The following PTPRD variants were observed in gnomAD, a reference collection of about 807,000 sequenced individuals.
PTPRD encodes protein tyrosine phosphatase receptor type D.
In PTPRD, 34 loss-of-function variants were observed where a neutral mutation model predicts 214.5. The observed-to-expected ratio is 0.16, with a 90% CI of 0.12 to 0.21. The LOEUF is 0.21. Ranked by LOEUF, PTPRD falls within the 10% of genes least tolerant of loss-of-function variation. The pLI, the probability that PTPRD is intolerant of heterozygous loss-of-function variation, is 1.00. For missense variants in PTPRD, 2,545 were observed against 2,398.7 expected (o/e 1.06, Z -1.27); for synonymous variants, 1,128 against 845.7 (o/e 1.33, Z -5.79).
At chr9:8,866,771 TCATC>T (rs1206238444) in intron 11 of PTPRD, among the ~76,000 whole-genome samples, 2 of 78,130 alleles carry the variant, frequency 2.6e-5, no homozygotes, top group Non-Finnish European at 5.0e-5. Context: ...AAGAATCATC[TCATC>T]AAGTCAGTTT....
chr9:8,921,013 C>G (rs1325333278), intron 11 of PTPRD, among the ~76,000 whole-genome samples: 1 of 152,104 alleles, frequency 6.6e-6, no homozygotes, highest in Non-Finnish European at 1.5e-5. Context: ...AGGGTATCAC[C>G]ATGTTGGCCA....
chr9:9,758,264 T>A (rs1298821739), intron 6 of PTPRD, among the ~76,000 whole-genome samples: 2 of 152,040 alleles, frequency 1.3e-5, no homozygotes, highest in Non-Finnish European at 2.9e-5. Flanking sequence ...CTCTCTTACT[T>A]CCATTCGCTT....
At chr9:9,696,752 G>A (rs1219685269) in intron 7 of PTPRD, among the ~76,000 whole-genome samples, 47 of 151,798 alleles carry the variant, frequency 3.1e-4, no homozygotes, top group South Asian at 4.1e-4. Context: ...TTCTTTATTC[G>A]TTCAGACACT....
intron 3 of PTPRD, among the ~76,000 whole-genome samples, chr9:10,250,132 A>G (rs1318089616): frequency 6.6e-6 from 1 of 152,152 alleles, no homozygotes; most frequent in Non-Finnish European, 1.5e-5. Context: ...GAGGATTATG[A>G]TACCTTTAGC....
chr9:9,177,412 T>A (rs1214567759), intron 10 of PTPRD, among the ~76,000 whole-genome samples: 1 of 152,126 alleles, frequency 6.6e-6, no homozygotes, highest in African/African-American at 2.4e-5. Flanking sequence ...CTAATTGTTT[T>A]TTAGCTTCTA....
chr9:9,159,064 A>G lies in PTPRD; in HGVS notation c.-143+24240T>C, dbSNP rs191991041. On this transcript the variant is annotated intron_variant, in intron 10 of 45. Coordinates refer to ENST00000381196, the MANE Select transcript of PTPRD (RefSeq NM_002839.4). ...TATAGAAGGAATGTATCTCAACACA[A>G]TAAAGGCTATGCATGATAAATCTAT... Among the ~76,000 whole-genome samples the G allele has an allele frequency of 4.9e-3, 750 of 152,344 alleles. 10 individuals carry two copies. Among genetic ancestry groups the G allele is most frequent in the African/African-American group, 0.017 (711 of 41,576 alleles).
At chr9:9,093,668 G>T (rs562425662) in intron 10 of PTPRD, among the ~76,000 whole-genome samples, 1 of 150,734 alleles carries the variant, frequency 6.6e-6, no homozygotes, top group Non-Finnish European at 1.5e-5. Flanking sequence ...TAAAATTTGG[G>T]CGGGGGGGCG....
chr9:10,052,256 C>G (rs2097548222), intron 3 of PTPRD, among the ~76,000 whole-genome samples: 1 of 152,086 alleles, frequency 6.6e-6, no homozygotes, highest in Non-Finnish European at 1.5e-5. Flanking sequence ...ATCAATACTG[C>G]CTACTAACAG....
intron 9 of PTPRD, among the ~76,000 whole-genome samples, chr9:9,187,593 C>G (rs2099932420): frequency 6.6e-6 from 1 of 151,718 alleles, no homozygotes; most frequent in Non-Finnish European, 1.5e-5. Context: ...TCCCTGCTTC[C>G]CTCTCTTTCC....
intron 11 of PTPRD, among the ~76,000 whole-genome samples, chr9:8,797,449 G>A (rs897212371): frequency 6.6e-6 from 1 of 152,180 alleles, no homozygotes; most frequent in Non-Finnish European, 1.5e-5. Context: ...GAATCTTGAT[G>A]ATATGCAAAA....
rs1337119736 is a variant in PTPRD at position 10,512,002 on chromosome 9, ATATATATACGTGTGTG to A, written c.-600+100380_-600+100395del. Among the ~76,000 whole-genome samples, 78 of 94,398 alleles carry A rather than the reference ATATATATACGTGTGTG, an allele frequency of 8.3e-4. 1 individual carries two copies. The highest frequency in any genetic ancestry group is 3.3e-3 in the African/African-American group (78 of 23,974). The allele number at this position is 94,398 out of a possible 152,430, so 61.9% of individuals were successfully genotyped here. ...TATATATATATACGTGTGTGTATAT[ATATATATACGTGTGTG>A]TATATATATATGTATATATATATAT... On this transcript the variant is annotated intron_variant, in intron 2 of 45. Coordinates refer to ENST00000381196, the MANE Select transcript of PTPRD (RefSeq NM_002839.4).
intron 2 of PTPRD, among the ~76,000 whole-genome samples, chr9:10,354,538 C>A (rs1237179438): frequency 1.3e-5 from 2 of 152,012 alleles, no homozygotes; most frequent in African/African-American, 4.8e-5. Context: ...AGTATTTGCC[C>A]CTAGAGATTT....
At chr9:9,615,371 C>T (rs375619305) in intron 7 of PTPRD, among the ~76,000 whole-genome samples, 37 of 152,226 alleles carry the variant, frequency 2.4e-4, no homozygotes, top group Admixed American at 1.4e-3. Flanking sequence ...TAAAGGGTGG[C>T]GTGTTTGTGA....
intron 14 of PTPRD, among the ~76,000 whole-genome samples, chr9:8,567,595 A>G (rs2089752509): frequency 6.6e-6 from 1 of 152,174 alleles, no homozygotes; most frequent in Non-Finnish European, 1.5e-5. Context: ...TGGCTGCTCA[A>G]TATTTTATGA....
chr9:8,490,273 A>T (rs957674610), intron 27 of PTPRD, among the ~76,000 whole-genome samples: 3 of 152,116 alleles, frequency 2.0e-5, no homozygotes, highest in African/African-American at 7.2e-5. Flanking sequence ...TCCCTTTTAC[A>T]TTTTCTTATT....
chr9:9,604,996 C>A (rs2094050905), intron 7 of PTPRD, among the ~76,000 whole-genome samples: 6 of 152,012 alleles, frequency 3.9e-5, no homozygotes. Flanking sequence ...TTATTCTCAA[C>A]TGTGAAATAT....
intron 2 of PTPRD, among the ~76,000 whole-genome samples, chr9:10,423,364 T>G (rs549668903): frequency 6.6e-6 from 1 of 152,002 alleles, no homozygotes; most frequent in South Asian, 2.1e-4. Flanking sequence ...AAACGACAGG[T>G]TAATGTGTGC....
chr9:9,470,691 C>A (rs1480666605), intron 8 of PTPRD, among the ~76,000 whole-genome samples: 1 of 152,160 alleles, frequency 6.6e-6, no homozygotes, highest in Admixed American at 6.5e-5. Context: ...ACATTCTCTA[C>A]TACCTTAATA....
chr9:9,213,614 T>A (rs891449967), intron 9 of PTPRD, among the ~76,000 whole-genome samples: 10 of 152,122 alleles, frequency 6.6e-5, no homozygotes, highest in African/African-American at 2.4e-4. Flanking sequence ...TATAAAGGTA[T>A]AAATTTTAGT....
Sources: gnomAD v4.1 joint callset for allele counts (sites outside exome capture counted in the v4.1 genomes callset) on GRCh38, gnomAD v4.1.1 for gene constraint, MANE v1.5 for transcripts, NCBI Gene and HGNC (gene_info 2026-07-23, HGNC 2026-07-21) for gene names.